TAF8: variants seen among roughly 807,000 people sequenced by gnomAD.
TAF8 encodes transcription initiation factor TFIID subunit 8.
Under a neutral mutation model 36.5 loss-of-function variants are expected in TAF8, and 47 were observed. The observed-to-expected ratio is 1.29, with a 90% confidence interval of 1.02 to 1.64. The LOEUF (loss-of-function observed/expected upper bound fraction) is 1.64, where lower values mean the gene tolerates loss of function less well. Among genes scored for constraint, TAF8 ranks in the 40% most tolerant of loss-of-function variants. The pLI, the probability that TAF8 is intolerant of heterozygous loss-of-function variation, is 0.00. For missense variants in TAF8, 420 were observed against 407.6 expected, an observed-to-expected ratio of 1.03 and a Z score of -0.26; for synonymous variants, 175 against 159.5, an observed-to-expected ratio of 1.10 and a Z score of -0.73.
chr6:42,083,498 C>G (rs1419206843), downstream of TAF8, among the ~76,000 whole-genome samples: 1 of 152,202 alleles, frequency 6.6e-6, no homozygotes, highest in Non-Finnish European at 1.5e-5. Context: ...TCCTTGCCAC[C>G]TCAGTGTAGA....
Position 42,077,830 on chromosome 6 carries a change from A to C in TAF8, c.*285A>C. On this transcript the variant is annotated 3_prime_UTR_variant, in exon 9 of 9. Transcript: ENST00000372977. ...GAATGCAGTGGTGTGATCTCAGCTCACTGCAGTCTCAGCAACCCTGGGTCC... is the reference window on the plus strand; with the variant it reads ...GAATGCAGTGGTGTGATCTCAGCTCCCTGCAGTCTCAGCAACCCTGGGTCC... The C allele has an allele frequency of 1.2e-5, 13 of 1,070,200 alleles. No individual in the cohort carries two copies. Among genetic ancestry groups the C allele is most frequent in the South Asian group, 2.0e-5 (1 of 50,340 alleles). The allele number at this position is 1,070,200 out of a possible 1,614,324, so 66.3% of individuals were successfully genotyped here. A position where few individuals can be genotyped will look rare whatever the true frequency, so the allele number is the denominator to read the frequency against.
At chr6:42,084,221 G>C (rs1434623858), downstream of TAF8, among the ~76,000 whole-genome samples, 2 of 149,568 alleles carry the variant, frequency 1.3e-5, no homozygotes, top group Non-Finnish European at 3.0e-5. Flanking sequence ...TAAGGGCCTC[G>C]TTAGCCTGGT....
chr6:42,077,323 G>C, intron 8 of TAF8, 84 bp downstream of exon 8: 1 of 1,531,528 alleles, frequency 6.5e-7, no homozygotes. Context: ...CTCCTCAGTG[G>C]GGCGGAGCCT....
chr6:42,085,884 C>A (rs1485224890), downstream of TAF8, among the ~76,000 whole-genome samples: 1 of 152,212 alleles, frequency 6.6e-6, no homozygotes, highest in Non-Finnish European at 1.5e-5. Flanking sequence ...ACTCGGGAGG[C>A]TGAGGCAGGA....
intron 2 of TAF8, among the ~76,000 whole-genome samples, chr6:42,052,923 C>G (rs1764848256): frequency 6.6e-6 from 1 of 152,182 alleles, no homozygotes; most frequent in Non-Finnish European, 1.5e-5. Flanking sequence ...CCTTTATACT[C>G]AGGTCTTGAT....
At chr6:42,074,748 G>A (rs543153997) in intron 7 of TAF8, among the ~76,000 whole-genome samples, 1 of 152,168 alleles carries the variant, frequency 6.6e-6, no homozygotes, top group African/African-American at 2.4e-5. Context: ...TGTTGGCCAG[G>A]CTGATCTCGA....
chr6:42,060,645 T>C (rs1489967063), intron 5 of TAF8, among the ~76,000 whole-genome samples: 2 of 152,142 alleles, frequency 1.3e-5, no homozygotes, highest in Non-Finnish European at 2.9e-5. Flanking sequence ...AGACTCTGTG[T>C]GGACGGGGTA....
intron 2 of TAF8, among the ~76,000 whole-genome samples, chr6:42,055,278 C>T (rs1582215113): frequency 6.6e-6 from 1 of 152,186 alleles, no homozygotes; most frequent in Admixed American, 6.5e-5. Context: ...AATTTCCTTC[C>T]TTTTAAAGGC....
chr6:42,055,478 T>C, intron 2 of TAF8, 53 bp from the exon 3 acceptor site: 1 of 1,267,370 alleles, frequency 7.9e-7, no homozygotes, highest in South Asian at 1.2e-5. Flanking sequence ...TAATTCTATG[T>C]TTAACTTTCT....
At chr6:42,060,053 C>T (rs1437504914) in intron 5 of TAF8, among the ~76,000 whole-genome samples, 1 of 152,102 alleles carries the variant, frequency 6.6e-6, no homozygotes, top group Non-Finnish European at 1.5e-5. Context: ...TTGCATGGCA[C>T]AAACATTAGT....
chr6:42,074,941 G>A (rs1329997122), intron 7 of TAF8, among the ~76,000 whole-genome samples: 1 of 151,894 alleles, frequency 6.6e-6, no homozygotes, highest in Non-Finnish European at 1.5e-5. Context: ...TTGGGAGAAG[G>A]AAGCCTGCCG....
In TAF8 at chr6:42,070,074, G is replaced by A. The variant is rs181043722; in HGVS notation, c.780+1467G>A. 5.6e-3 allele frequency among the ~76,000 whole-genome samples: 850 copies of A among 152,222 alleles called. 6 individuals are homozygous for A. The highest frequency in any genetic ancestry group is 9.2e-3 in the Non-Finnish European group (625 of 68,014). On this transcript the variant is annotated intron_variant, in intron 7 of 8. Transcript: ENST00000372977. ...GAGCCATTTCAGTAAGAATGAGAGCGAAGACCTGGAGTAAATTCAGAGAGA... is the reference window on the plus strand; with the variant it reads ...GAGCCATTTCAGTAAGAATGAGAGCAAAGACCTGGAGTAAATTCAGAGAGA...
chr6:42,058,109 A>G (rs1184149606), intron 5 of TAF8, among the ~76,000 whole-genome samples: 2 of 152,096 alleles, frequency 1.3e-5, no homozygotes, highest in East Asian at 3.9e-4. Context: ...AATGGCCGGG[A>G]GCAGTGGCTC....
chr6:42,062,290 A>C (rs985635853), intron 5 of TAF8, among the ~76,000 whole-genome samples: 6 of 152,064 alleles, frequency 3.9e-5, no homozygotes, highest in African/African-American at 1.4e-4. Context: ...TTTTCCACCA[A>C]ACAGTAGGTC....
At chr6:42,071,590 C>T (rs1765578532) in intron 7 of TAF8, 1 of 152,230 alleles carries the variant, frequency 6.6e-6, no homozygotes, top group African/African-American at 2.4e-5. Flanking sequence ...TCCCAAAGTG[C>T]TGGGATTACA....
rs141330777 is a variant in TAF8, at chr6:42,079,697, C to T, written c.*2152C>T. ...CAGAGTAGCTGGGATTACAGATGCC[C>T]GCCACCACATCTGGCTAATTTTTTT... On this transcript the variant is annotated 3_prime_UTR_variant, in exon 9 of 9. Transcript: ENST00000372977. 2,400 of 674,792 alleles carry T rather than the reference C, an allele frequency of 3.6e-3. 50 individuals are homozygous for T. The African/African-American group carries it at 0.042, about 12-fold the overall frequency. 41.8% of individuals were successfully genotyped at this position (674,792 alleles called of 1,614,324 possible). A position where few individuals can be genotyped will look rare whatever the true frequency, so the allele number is the denominator to read the frequency against.
chr6:42,063,293 G>T (rs1291300193), intron 5 of TAF8: 1 of 151,950 alleles, frequency 6.6e-6, no homozygotes, highest in Non-Finnish European at 1.5e-5. Context: ...CTCCCGAGTA[G>T]CTGGGACTAC....
chr6:42,058,426 T>A (rs949511621), intron 5 of TAF8, among the ~76,000 whole-genome samples: 1 of 152,172 alleles, frequency 6.6e-6, no homozygotes. Context: ...ATGGAACTTA[T>A]CACTCTGAGC....
At chr6:42,086,977 A>G, downstream of TAF8, 1 of 598,394 alleles carries the variant, frequency 1.7e-6, no homozygotes, top group Non-Finnish European at 3.0e-6. Flanking sequence ...GTCCTCAAGA[A>G]GTGCAGGGCG....
Sources: allele counts gnomAD v4.1 joint callset (sites outside exome capture counted in the v4.1 genomes callset), GRCh38; gene constraint gnomAD v4.1.1; transcripts MANE v1.5; gene names NCBI Gene and HGNC (gene_info 2026-07-23, HGNC 2026-07-21).